NTNG1: variants seen among roughly 807,000 people sequenced by gnomAD.
NTNG1 encodes netrin G1.
In NTNG1, 16 loss-of-function variants were observed where a neutral mutation model predicts 54.0. The ratio of observed to expected loss-of-function variants is 0.30; its 90% CI spans 0.20 to 0.45. The LOEUF (loss-of-function observed/expected upper bound fraction) is 0.45, where lower values mean the gene tolerates loss of function less well. Among genes scored for constraint, NTNG1 ranks in the 20% least tolerant of loss-of-function variants. The pLI is 1.00. For missense variants in NTNG1, 530 were observed against 678.7 expected, an observed-to-expected ratio of 0.78 and a Z score of 2.43; for synonymous variants, 255 against 263.1, an observed-to-expected ratio of 0.97 and a Z score of 0.30.
At chr1:107,169,813 A>G (rs1479883134) in intron 2 of NTNG1, among the ~76,000 whole-genome samples, 2 of 152,194 alleles carry the variant, frequency 1.3e-5, no homozygotes, top group African/African-American at 2.4e-5. Context: ...TAGGAGATGT[A>G]CATTAAGAGA....
intron 2 of NTNG1, among the ~76,000 whole-genome samples, chr1:107,238,488 G>A (rs999772158): frequency 9.9e-5 from 15 of 152,076 alleles, no homozygotes; most frequent in African/African-American, 3.6e-4. Flanking sequence ...CATAAGAATT[G>A]GGAGGAGCCA....
At chr1:107,472,959 C>G (rs1268536870) in intron 7 of NTNG1, among the ~76,000 whole-genome samples, 1 of 152,178 alleles carries the variant, frequency 6.6e-6, no homozygotes, top group Non-Finnish European at 1.5e-5. Flanking sequence ...CCCTGCCACA[C>G]AGTCTCGAAT....
At chr1:107,433,237 G>A (rs938727583) in intron 6 of NTNG1, among the ~76,000 whole-genome samples, 1 of 152,128 alleles carries the variant, frequency 6.6e-6, no homozygotes, top group African/African-American at 2.4e-5. Flanking sequence ...TGCATTCCTA[G>A]GTACTATTAA....
At chr1:107,249,921 A>G (rs1473599209) in intron 2 of NTNG1, among the ~76,000 whole-genome samples, 1 of 152,218 alleles carries the variant, frequency 6.6e-6, no homozygotes, top group Non-Finnish European at 1.5e-5. Flanking sequence ...ATGGGAGAAG[A>G]GCAGGTACTA....
chr1:107,428,592 G>T lies in NTNG1; in HGVS notation c.1088-2158G>T, dbSNP rs181196096. ...CTCTTCCAGAGGAGGCGACCCAGGG[G>T]CAGGGCTGTTATTGGCCCTCCTCAG... On this transcript the variant is annotated intron_variant, in intron 5 of 7. Transcript: ENST00000370068. 2.1e-3 allele frequency among the ~76,000 whole-genome samples: 324 copies of T among 152,168 alleles called. 7 individuals are homozygous for T. Among genetic ancestry groups the T allele is most frequent in the East Asian group, 1.4e-3 (7 of 5,160 alleles).
chr1:107,415,049 T>A (rs961412697), intron 5 of NTNG1, among the ~76,000 whole-genome samples: 9 of 152,178 alleles, frequency 5.9e-5, no homozygotes, highest in African/African-American at 2.2e-4. Context: ...GTGGAATAAA[T>A]GATTTTGGTC....
chr1:107,359,577 G>T (rs973949347), intron 3 of NTNG1, among the ~76,000 whole-genome samples: 2 of 152,056 alleles, frequency 1.3e-5, no homozygotes, highest in Non-Finnish European at 2.9e-5. Context: ...AGAAGTGAAG[G>T]GTGACTTTTT....
chr1:107,462,174 GA>G (rs1260693863), intron 7 of NTNG1, among the ~76,000 whole-genome samples: 1 of 152,198 alleles, frequency 6.6e-6, no homozygotes, highest in Non-Finnish European at 1.5e-5. Flanking sequence ...TTGCCACATG[GA>G]TGCCTTGTAA....
chr1:107,241,863 C>T (rs1051149937), intron 2 of NTNG1, among the ~76,000 whole-genome samples: 8 of 152,014 alleles, frequency 5.3e-5, no homozygotes, highest in Admixed American at 4.6e-4. Flanking sequence ...TTTAACTTCT[C>T]GAGAAAAAAA....
chr1:107,453,917 T>C (rs1162538852), intron 7 of NTNG1, among the ~76,000 whole-genome samples: 1 of 152,086 alleles, frequency 6.6e-6, no homozygotes, highest in Non-Finnish European at 1.5e-5. Flanking sequence ...AAACAACTAG[T>C]AGCTGATAGA....
intron 7 of NTNG1, among the ~76,000 whole-genome samples, chr1:107,461,667 G>C (rs959217822): frequency 6.6e-6 from 1 of 151,766 alleles, no homozygotes; most frequent in Non-Finnish European, 1.5e-5. Flanking sequence ...CTGAGTAGCT[G>C]GAACTACAGG....
chr1:107,234,520 CAT>C (rs750147854), intron 2 of NTNG1, among the ~76,000 whole-genome samples: 38 of 152,078 alleles, frequency 2.5e-4, no homozygotes, highest in Non-Finnish European at 4.3e-4. Context: ...CTAAATACTA[CAT>C]ATGTTTCCTC....
At chr1:107,198,163 G>A (rs12119125) in intron 2 of NTNG1, among the ~76,000 whole-genome samples, 6,323 of 152,022 alleles carry the variant, frequency 0.042, 137 homozygotes, top group Non-Finnish European at 0.051. Flanking sequence ...TGACTTTAAC[G>A]GTGTTGGAAA....
chr1:107,395,141 C>T lies in NTNG1; in HGVS notation c.888-13C>T, dbSNP rs969682466. ...TTATCTGACAATGAACTCTTTGTCTCTCCTCTGCCCAGGTGCAAGTGTAAT... is the reference window on the plus strand; with the variant it reads ...TTATCTGACAATGAACTCTTTGTCTTTCCTCTGCCCAGGTGCAAGTGTAAT... On this transcript the variant is annotated splice_polypyrimidine_tract_variant and intron_variant, in intron 3 of 7. Transcript: ENST00000370068. The T allele has an allele frequency of 6.2e-7, 1 of 1,607,590 alleles. No homozygotes were observed. Among genetic ancestry groups the T allele is most frequent in the Non-Finnish European group, 8.5e-7 (1 of 1,176,222 alleles).
chr1:107,356,355 A>G (rs1326071783), intron 3 of NTNG1, among the ~76,000 whole-genome samples: 1 of 152,122 alleles, frequency 6.6e-6, no homozygotes, highest in Non-Finnish European at 1.5e-5. Context: ...GTGCAGTGGC[A>G]CAATCTCAGC....
chr1:107,144,965 G>C (rs941717038), intron 1 of NTNG1, among the ~76,000 whole-genome samples: 7 of 152,014 alleles, frequency 4.6e-5, no homozygotes, highest in Non-Finnish European at 8.8e-5. Context: ...TTATGAATCT[G>C]TTCTTATTTA....
intron 4 of NTNG1, among the ~76,000 whole-genome samples, chr1:107,396,198 G>A (rs945833616): frequency 1.3e-5 from 2 of 152,144 alleles, no homozygotes; most frequent in African/African-American, 4.8e-5. Flanking sequence ...AACAGAAGCA[G>A]CCGGACAGTG....
At chr1:107,359,912 T>G (rs1235431238) in intron 3 of NTNG1, among the ~76,000 whole-genome samples, 7 of 152,240 alleles carry the variant, frequency 4.6e-5, no homozygotes, top group Admixed American at 2.0e-4. Flanking sequence ...CTATTTATTG[T>G]GTAACTTATG....
chr1:107,143,985 A>G (rs1029629830), intron 1 of NTNG1, among the ~76,000 whole-genome samples: 1 of 152,108 alleles, frequency 6.6e-6, no homozygotes, highest in African/African-American at 2.4e-5. Flanking sequence ...AGTTGCTCAT[A>G]ATACCCAATC....
Sources: gnomAD v4.1 joint callset for allele counts (sites outside exome capture counted in the v4.1 genomes callset) on GRCh38, gnomAD v4.1.1 for gene constraint, MANE v1.5 for transcripts, NCBI Gene and HGNC (gene_info 2026-07-23, HGNC 2026-07-21) for gene names.